Variants in TTN observed in about 807,000 individuals in gnomAD.
TTN encodes titin.
Under a neutral mutation model 3,223.0 loss-of-function variants are expected in TTN, and 1,525 were observed. The ratio of observed to expected loss-of-function variants is 0.47; its 90% CI spans 0.45 to 0.49. TTN has a LOEUF of 0.49. Ranked by LOEUF, TTN falls within the 20% of genes least tolerant of loss-of-function variation. TTN has a pLI of 0.00. For missense variants in TTN, 40,786 were observed against 43,424.0 expected (o/e 0.94, Z 5.40); for synonymous variants, 14,094 against 15,161.0 (o/e 0.93, Z 5.17).
chr2:178,678,868 T>A (rs751818290), intron 142 of TTN, 38 bp from the exon 143 acceptor site: 2 of 1,531,146 alleles, frequency 1.3e-6, no homozygotes, highest in South Asian at 2.6e-5. Context: ...TCACATTTTT[T>A]ACCCATAGCT....
Position 178,652,188 on chromosome 2 carries a change from G to T in TTN, c.39212-9C>A, listed in dbSNP as rs373056460. 3.0e-5 allele frequency: 48 copies of T among 1,612,074 alleles called. No homozygotes were observed. In the Admixed American group the frequency reaches 6.5e-4, roughly 22 times the overall value. On this transcript the variant is annotated splice_polypyrimidine_tract_variant and intron_variant, in intron 203 of 362. Coordinates refer to ENST00000589042, the MANE Select transcript of TTN (RefSeq NM_001267550.2). ...CTTTGGCACCTCTGGGACTTTAAAAGATATTATTATTTTCATTGTTAGACA... is the reference window on the plus strand; with the variant it reads ...CTTTGGCACCTCTGGGACTTTAAAATATATTATTATTTTCATTGTTAGACA...
rs775420667 is a variant in TTN, at chr2:178,774,190, G to C, written c.7057+17C>G. 1.9e-6 allele frequency: 3 copies of C among 1,613,982 alleles called. No individual in the cohort carries two copies. The highest frequency in any genetic ancestry group is 2.2e-5 in the South Asian group (2 of 91,086). ...TAATGATGCTCACTGCAGGCTGACA[G>C]GAATGGGAGGACTTACGTTTCATCT... On this transcript the variant is annotated intron_variant, in intron 30 of 362. Coordinates refer to ENST00000589042, the MANE Select transcript of TTN (RefSeq NM_001267550.2).
At chr2:178,682,974 T>C (rs2069837287) in intron 134 of TTN, 71 bp from the exon 135 acceptor site, 2 of 1,362,736 alleles carry the variant, frequency 1.5e-6, no homozygotes, top group African/African-American at 3.0e-5. Context: ...AGTAACAATG[T>C]GCTTTGATTT....
chr2:178,608,180 A>T lies in TTN; in HGVS notation c.52703T>A (p.Ile17568Asn). The T allele has an allele frequency of 6.2e-7, 1 of 1,601,904 alleles. No individual in the cohort carries two copies. Residue 17568 changes from isoleucine to asparagine, a missense_variant and splice_region_variant, in exon 275 of 363, where the codon ATC becomes AAC. Transcript: ENST00000589042. ...CTTCTTCTTAAGGAACTACTTACAG[A>T]TTGGATCATGTGCTGTTTTGGGATC... Reference protein sequence around the residue: ...PSDPKTAHDPISPPGPPIPRV... With the variant: ...PSDPKTAHDPNSPPGPPIPRV...
In TTN at chr2:178,756,557, T is replaced by A; in HGVS notation, c.10919A>T (p.Gln3640Leu). 6.2e-7 allele frequency: 1 copy of A among 1,611,578 alleles called. No homozygotes were observed. Among genetic ancestry groups the A allele is most frequent in the South Asian group, 1.1e-5 (1 of 90,938 alleles). The change falls in exon 46 of 363, where the codon CAA becomes CTA. Residue 3640 changes from glutamine to leucine, a missense_variant. Gln to Leu is a moderately radical substitution (Grantham distance 113). Coordinates refer to ENST00000589042, the MANE Select transcript of TTN (RefSeq NM_001267550.2). ...TQLCHTASLSQIAESTELSKE... is the reference protein window; with the variant it reads ...TQLCHTASLSLIAESTELSKE... ...AGATAGCTCAGTGCTTTCTGCAATT[T>A]GTGAAAGGGATGCAGTATGGCACAA...
chr2:178,741,952 T>C (rs1237232339), intron 47 of TTN, 31 bp from the exon 48 acceptor site: 1 of 1,332,450 alleles, frequency 7.5e-7, no homozygotes, highest in East Asian at 2.7e-5. Flanking sequence ...ATTATTTTAC[T>C]ATAAAATTTT....
intron 119 of TTN, 101 bp from the exon 120 acceptor site, chr2:178,692,681 T>C (rs2072755699): frequency 2.4e-6 from 2 of 821,118 alleles, no homozygotes; most frequent in Admixed American, 3.3e-5. Flanking sequence ...TTATACCAAC[T>C]GAATGCAAGA....
At chr2:178,772,827 A>G in intron 33 of TTN, 1 of 441,158 alleles carries the variant, frequency 2.3e-6, no homozygotes, top group South Asian at 3.0e-5. Flanking sequence ...ACTAGGAAAG[A>G]GGCACATATA....
chr2:178,527,757 C>T lies in TTN; in HGVS notation c.107378-9G>A. 6.4e-7 allele frequency: 1 copy of T among 1,572,730 alleles called. No individual in the cohort carries two copies. ...AGGTTCTTCAACTAGAGCTGTGGAG[C>T]ATAGCAGATACACAGTGAACATCAA... On this transcript the variant is annotated splice_polypyrimidine_tract_variant and intron_variant, in intron 361 of 362. Coordinates refer to ENST00000589042, the MANE Select transcript of TTN (RefSeq NM_001267550.2).
chr2:178,530,830 T>G lies in TTN; in HGVS notation c.105785A>C (p.Lys35262Thr). 2 of 1,613,934 alleles carry G rather than the reference T, an allele frequency of 1.2e-6. No individual in the cohort carries two copies. Among genetic ancestry groups the G allele is most frequent in the Non-Finnish European group, 1.7e-6 (2 of 1,179,864 alleles). Residue 35262 changes from lysine (K) to threonine (T), a missense_variant, in exon 358 of 363, where the codon AAA (lysine) becomes ACA (threonine). Coordinates refer to ENST00000589042, the MANE Select transcript of TTN (RefSeq NM_001267550.2). ...TTTTGTCTCTGTGGGTGATACGGCT[T>G]TCGGGTGAGAAGGTTCTGGAGATTT... ...RVKSPEPSHP[K>T]AVSPTETKPT...
intron 102 of TTN, among the ~76,000 whole-genome samples, chr2:178,706,209 G>C (rs1191074985): frequency 3.3e-5 from 5 of 152,178 alleles, no homozygotes; most frequent in Non-Finnish European, 7.4e-5. Context: ...TCAAGTCCCT[G>C]ATGCAAAATG....
rs2049968444 is a variant in TTN, at chr2:178,590,459, A to G, written c.61266T>C (p.Asn20422=). The change falls in exon 304 of 363, where the codon AAT becomes AAC. Residue 20422 remains asparagine (N), a synonymous_variant. Transcript: ENST00000589042. ...KPGTAQWNRI[N]KDELIRQCAF... is the part of the protein sequence containing the mutation. Reference sequence around the variant, plus strand: ...CACATTGCCTAATGAGTTCATCTTTATTAATCCTGTTCCATTGTGCTGTGC... The same window carrying G: ...CACATTGCCTAATGAGTTCATCTTTGTTAATCCTGTTCCATTGTGCTGTGC... The G allele has an allele frequency of 6.2e-7, 1 of 1,612,920 alleles. No individual in the cohort carries two copies. Among genetic ancestry groups the G allele is most frequent in the African/African-American group, 1.3e-5 (1 of 74,864 alleles).
chr2:178,588,269 G>A, intron 304 of TTN, 50 bp from the exon 305 acceptor site: 1 of 1,455,560 alleles, frequency 6.9e-7, no homozygotes, highest in Non-Finnish European at 9.2e-7. Flanking sequence ...ATACTTCAAT[G>A]TGTAATTTTA....
At position 178,593,605 on chromosome 2, in the gene TTN, A is replaced by T; in HGVS notation, c.58695T>A (p.Pro19565=). Residue 19565 remains proline, a synonymous_variant, in exon 298 of 363, where the codon CCT becomes CCA. Transcript: ENST00000589042. ...HAENLYGISD[P]LVSDSMKAKD... is the part of the protein sequence containing the mutation. The stretch of plus-strand genomic sequence containing the variant: ...TGGCTTTCATTGAATCAGACACCAG[A>T]GGATCACTTATTCCATACAGATTTT... 6.2e-7 allele frequency: 1 copy of T among 1,612,810 alleles called. No individual in the cohort carries two copies. Among genetic ancestry groups the T allele is most frequent in the African/African-American group, 1.3e-5 (1 of 75,010 alleles).
Position 178,590,249 on chromosome 2 carries a change from T to C in TTN, c.61476A>G (p.Gln20492=), listed in dbSNP as rs1158967560. 2 of 1,586,740 alleles carry C rather than the reference T, an allele frequency of 1.3e-6. No individual in the cohort carries two copies. The highest frequency in any genetic ancestry group is 1.7e-5 in the Admixed American group (1 of 57,534). ...CRDVITVRVG[Q]TIRILARVKG... ...TGACTCGAGCTAGAATGCGGATAGT[T>C]TGGCCTACTCTCACGGTAATAACAT... is the stretch of plus-strand genomic sequence containing the variant. Residue 20492 remains glutamine (Q), a synonymous_variant, in exon 304 of 363, where the codon CAA becomes CAG. Coordinates refer to ENST00000589042, the MANE Select transcript of TTN (RefSeq NM_001267550.2).
chr2:178,542,250 G>A lies in TTN; in HGVS notation c.97492+14C>T, dbSNP rs755615084. 5.0e-6 allele frequency: 8 copies of A among 1,597,724 alleles called. No homozygotes were observed. Among genetic ancestry groups the A allele is most frequent in the Admixed American group, 3.4e-5 (2 of 58,738 alleles). On this transcript the variant is annotated intron_variant, in intron 349 of 362. Coordinates refer to ENST00000589042, the MANE Select transcript of TTN (RefSeq NM_001267550.2). Reference sequence around the variant, plus strand: ...CAGAGGTGGGGAGAGTGGTGGAAGGGCCTGTGGACTTACGGATGCTGCTGC... The same window carrying A: ...CAGAGGTGGGGAGAGTGGTGGAAGGACCTGTGGACTTACGGATGCTGCTGC...
Position 178,560,043 on chromosome 2 carries a change from C to A in TTN, c.86089G>T (p.Asp28697Tyr). The change falls in exon 326 of 363, where the codon GAC (aspartate) becomes TAC (tyrosine). Residue 28697 changes from aspartate (D) to tyrosine (Y), a missense_variant. By Grantham distance (160) the Asp-to-Tyr change is radical. Coordinates refer to ENST00000589042, the MANE Select transcript of TTN (RefSeq NM_001267550.2). ...AAGCTCTGAATGGAAGTTTTCCAGT[C>A]AGTGTCATCAGATTTTTTGTATTCT... ...TVEYKKSDDT[D>Y]WKTSIQSLRG... The A allele has an allele frequency of 6.2e-7, 1 of 1,613,666 alleles. No homozygotes were observed. The highest frequency in any genetic ancestry group is 1.1e-5 in the South Asian group (1 of 91,052).
At chr2:178,676,032 G>C (rs2068016363) in intron 147 of TTN, 37 bp from the exon 148 acceptor site, 3 of 1,552,292 alleles carry the variant, frequency 1.9e-6, no homozygotes, top group Admixed American at 2.0e-5. Flanking sequence ...GATTTATTTT[G>C]AAGGACAAAA....
intron 98 of TTN, among the ~76,000 whole-genome samples, chr2:178,710,060 A>T (rs1177358745): frequency 6.6e-6 from 1 of 152,220 alleles, no homozygotes; most frequent in Non-Finnish European, 1.5e-5. Context: ...AAGGTGGATG[A>T]TAAGAAGTAA....
Sources: allele counts gnomAD v4.1 joint callset (sites outside exome capture counted in the v4.1 genomes callset), GRCh38; gene constraint gnomAD v4.1.1; transcripts MANE v1.5; gene names NCBI Gene and HGNC (gene_info 2026-07-23, HGNC 2026-07-21).